The following FARP2 variants were observed in gnomAD, a reference collection of about 807,000 sequenced individuals.
FARP2 encodes the protein FERM, ARHGEF and pleckstrin domain-containing protein 2.
Under a neutral mutation model 130.5 loss-of-function variants are expected in FARP2, and 111 were observed. The ratio of observed to expected loss-of-function variants is 0.85; its 90% CI spans 0.73 to 1.00. The LOEUF (loss-of-function observed/expected upper bound fraction) is 1.00, where lower values mean the gene tolerates loss of function less well. Ranked by LOEUF, FARP2 falls within the 50% of genes least tolerant of loss-of-function variation. The probability of loss-of-function intolerance (pLI) is 0.00; values close to 1 mark genes in which losing one functional copy is unlikely to be tolerated. For synonymous variants in FARP2, 504 were observed against 516.9 expected, an observed-to-expected ratio of 0.98 and a Z score of 0.34; for missense variants, 1,385 against 1,346.3, an observed-to-expected ratio of 1.03 and a Z score of -0.45.
At chr2:241,365,253 TG>T (rs1156937389) in intron 1 of FARP2, among the ~76,000 whole-genome samples, 1 of 152,200 alleles carries the variant, frequency 6.6e-6, no homozygotes, top group African/African-American at 2.4e-5. Context: ...AATCAACACA[TG>T]GACAATCTTT....
chr2:241,437,679 T>TTTTG (rs2063276429), intron 12 of FARP2, among the ~76,000 whole-genome samples: 2 of 150,130 alleles, frequency 1.3e-5, no homozygotes, highest in South Asian at 4.2e-4. Flanking sequence ...TATTTTTTTT[T>TTTTG]TTTGAGACGG....
intron 5 of FARP2, 167 bp from the exon 6 acceptor site, chr2:241,410,866 A>T: frequency 1.7e-6 from 1 of 580,886 alleles, no homozygotes; most frequent in South Asian, 2.0e-5. Flanking sequence ...TGTTTCATGA[A>T]AGGCCTTTTG....
At chr2:241,441,998 T>C (rs2063396332) in intron 13 of FARP2, 2 of 359,880 alleles carry the variant, frequency 5.6e-6, no homozygotes, top group Admixed American at 3.8e-5. Context: ...GCAGTAGATA[T>C]GAACACAGAA....
At chr2:241,431,025 A>G (rs1293577738) in intron 8 of FARP2, among the ~76,000 whole-genome samples, 1 of 151,826 alleles carries the variant, frequency 6.6e-6, no homozygotes, top group African/African-American at 2.4e-5. Flanking sequence ...AAAAAGTGCA[A>G]ATCTTTCCAC....
intron 14 of FARP2, among the ~76,000 whole-genome samples, chr2:241,458,816 G>T (rs1211532593): frequency 6.6e-6 from 1 of 152,242 alleles, no homozygotes; most frequent in Non-Finnish European, 1.5e-5. Flanking sequence ...GGATAATTGG[G>T]CTGGTGGCAA....
At chr2:241,367,717 G>A (rs1462255058) in intron 1 of FARP2, among the ~76,000 whole-genome samples, 1 of 152,034 alleles carries the variant, frequency 6.6e-6, no homozygotes, top group Non-Finnish European at 1.5e-5. Context: ...TTGCAAAATA[G>A]AAATGTTAGC....
chr2:241,483,347 T>C (rs764901539), intron 19 of FARP2, 118 bp from the exon 20 acceptor site: 34 of 832,022 alleles, frequency 4.1e-5, no homozygotes, highest in Non-Finnish European at 5.3e-5. Context: ...AGGACCCTCA[T>C]TGGGAGGAGC....
At position 241,372,832 on chromosome 2, in the gene FARP2, G is replaced by T. The variant is rs2061453236; in HGVS notation, c.-24-252G>T. 4 of 215,384 alleles carry T rather than the reference G, an allele frequency of 1.9e-5. No individual in the cohort carries two copies. In the East Asian group the frequency reaches 3.5e-4, roughly 19 times the overall value. 13.3% of individuals were successfully genotyped at this position (215,384 alleles called of 1,614,324 possible). ...TCTAACAGGTTAAATGAGTTAATGG[G>T]TATGCCTGGCTCATAGAGCATCTGG... On this transcript the variant is annotated intron_variant, in intron 1 of 26. Transcript: ENST00000264042.
intron 13 of FARP2, chr2:241,446,272 C>A (rs1054576127): frequency 1.3e-5 from 2 of 151,968 alleles, no homozygotes; most frequent in African/African-American, 4.8e-5. Flanking sequence ...GATTAGGATT[C>A]TCTGCTCCAC....
chr2:241,392,675 C>T (rs924172247), intron 2 of FARP2, among the ~76,000 whole-genome samples: 1 of 152,060 alleles, frequency 6.6e-6, no homozygotes, highest in African/African-American at 2.4e-5. Flanking sequence ...TGTGTTGGCT[C>T]ATACTTCTAA....
intron 18 of FARP2, among the ~76,000 whole-genome samples, chr2:241,469,167 A>G (rs1003231880): frequency 6.6e-6 from 1 of 151,722 alleles, no homozygotes; most frequent in Non-Finnish European, 1.5e-5. Context: ...GCTTACTGCA[A>G]TCTCCACTTC....
chr2:241,436,457 C>T, intron 11 of FARP2, 24 bp from the exon 12 acceptor site: 3 of 1,613,736 alleles, frequency 1.9e-6, no homozygotes, highest in Non-Finnish European at 8.5e-7. Flanking sequence ...CTTGGTTTCT[C>T]ACAGCTCGTC....
Position 241,491,637 on chromosome 2 carries a change from G to T in FARP2, c.2745G>T (p.Arg915=). 6.2e-7 allele frequency: 1 copy of T among 1,613,188 alleles called. No individual in the cohort carries two copies. Among genetic ancestry groups the T allele is most frequent in the Non-Finnish European group, 8.5e-7 (1 of 1,179,700 alleles). ...CCACAATGCACGTGTGCTGGTACCG[G>T]AACACCAGCGTGTCCAGGGCAGACC... ...ANTTMHVCWY[R]NTSVSRADHS... The change falls in exon 24 of 27, where the codon CGG becomes CGT. Residue 915 remains arginine, a synonymous_variant. Transcript: ENST00000264042.
chr2:241,435,927 T>A (rs2063217131), intron 11 of FARP2, among the ~76,000 whole-genome samples: 1 of 145,730 alleles, frequency 6.9e-6, no homozygotes, highest in Admixed American at 6.8e-5. Flanking sequence ...TTTTTTTTTT[T>A]TTTGAGATGG....
intron 2 of FARP2, among the ~76,000 whole-genome samples, chr2:241,400,240 TA>T (rs1220465870): frequency 6.9e-6 from 1 of 144,092 alleles, no homozygotes; most frequent in African/African-American, 2.5e-5. Flanking sequence ...AGGGTACAGC[TA>T]AGAGAATTTC....
At chr2:241,445,311 CT>C (rs2063487745) in intron 13 of FARP2, 1 of 152,132 alleles carries the variant, frequency 6.6e-6, no homozygotes, top group Admixed American at 6.6e-5. Context: ...CCTCTTACCC[CT>C]TTCTCTTGTG....
chr2:241,407,011 T>G (rs28436239), intron 4 of FARP2, among the ~76,000 whole-genome samples: 8,448 of 151,894 alleles, frequency 0.056, 751 homozygotes, highest in African/African-American at 0.19. Flanking sequence ...GGTTTCACTG[T>G]GTTGGCCAGG....
intron 2 of FARP2, among the ~76,000 whole-genome samples, chr2:241,392,360 A>G (rs1201155850): frequency 6.6e-6 from 1 of 152,242 alleles, no homozygotes. Flanking sequence ...AAGCAGGGTA[A>G]AGAAGGGTGG....
intron 8 of FARP2, among the ~76,000 whole-genome samples, chr2:241,430,090 G>T (rs1411841387): frequency 6.6e-6 from 1 of 152,042 alleles, no homozygotes; most frequent in Non-Finnish European, 1.5e-5. Context: ...CATTTATTTA[G>T]TTTATGTCAC....
Sources: gnomAD v4.1 joint callset for allele counts (sites outside exome capture counted in the v4.1 genomes callset) on GRCh38, gnomAD v4.1.1 for gene constraint, MANE v1.5 for transcripts, NCBI Gene and HGNC (gene_info 2026-07-23, HGNC 2026-07-21) for gene names.